The following UMAD1 variants were observed in gnomAD, a reference collection of about 807,000 sequenced individuals.
UMAD1 encodes UBAP1-MVB12-associated (UMA)-domain containing protein 1.
A neutral mutation model predicts 6.1 loss-of-function variants in UMAD1; 8 were observed. The ratio of observed to expected loss-of-function variants is 1.30; its 90% CI spans 0.76 to 2.35. UMAD1 has a LOEUF of 2.35. Among genes scored for constraint, UMAD1 ranks in the 30% most tolerant of loss-of-function variants. The pLI is 0.00. For synonymous variants in UMAD1, 56 were observed against 31.4 expected, an observed-to-expected ratio of 1.78 and a Z score of -2.61; for missense variants, 130 against 78.4, an observed-to-expected ratio of 1.66 and a Z score of -2.49.
At chr7:7,862,449 G>T (rs542162067) in intron 3 of UMAD1, among the ~76,000 whole-genome samples, 1 of 152,214 alleles carries the variant, frequency 6.6e-6, no homozygotes, top group Admixed American at 6.5e-5. Flanking sequence ...ATTACATTCT[G>T]AAGAAGTTGA....
intron 2 of UMAD1, among the ~76,000 whole-genome samples, chr7:7,724,600 C>G (rs1190518095): frequency 6.6e-6 from 1 of 152,204 alleles, no homozygotes; most frequent in African/African-American, 2.4e-5. Flanking sequence ...GTGATTCCCA[C>G]CACATCCCCA....
chr7:7,825,738 A>G (rs1451908621), intron 3 of UMAD1, among the ~76,000 whole-genome samples: 1 of 152,162 alleles, frequency 6.6e-6, no homozygotes, highest in African/African-American at 2.4e-5. Context: ...TACAGTACCA[A>G]GGAAAAAGGT....
chr7:7,714,072 T>C (rs1278926341), intron 2 of UMAD1, among the ~76,000 whole-genome samples: 2 of 152,222 alleles, frequency 1.3e-5, no homozygotes, highest in Non-Finnish European at 2.9e-5. Flanking sequence ...AAAATTGAGT[T>C]TTTTTGTGTG....
Position 7,671,765 on chromosome 7 carries a change from TCTCTCCTTG to T in UMAD1, c.-63-1538_-63-1530del, listed in dbSNP as rs137861086. The stretch of plus-strand genomic sequence containing the variant: ...TTTTCACCAGTTTCATTAGAGGCCA[TCTCTCCTTG>T]CTCTCTATAGAGAGTGCCAAACTGT... On this transcript the variant is annotated intron_variant, in intron 1 of 3. Coordinates refer to ENST00000682710, the MANE Select transcript of UMAD1 (RefSeq NM_001302348.2). Among the ~76,000 whole-genome samples, 490 of 152,254 alleles carry T rather than the reference TCTCTCCTTG, an allele frequency of 3.2e-3. 3 individuals are homozygous for T. Among genetic ancestry groups the T allele is most frequent in the African/African-American group, 0.011 (462 of 41,564 alleles).
At chr7:7,654,318 T>C (rs539232556) in intron 1 of UMAD1, among the ~76,000 whole-genome samples, 190 of 152,306 alleles carry the variant, frequency 1.2e-3, no homozygotes, top group Non-Finnish European at 2.1e-3. Context: ...GTGATGGAAA[T>C]AGGATCTGAC....
At chr7:7,845,008 A>G (rs1783757545) in intron 3 of UMAD1, among the ~76,000 whole-genome samples, 1 of 152,132 alleles carries the variant, frequency 6.6e-6, no homozygotes, top group Non-Finnish European at 1.5e-5. Context: ...TACATAAATT[A>G]TTACATAATA....
At chr7:7,758,906 G>C (rs918340379) in intron 2 of UMAD1, among the ~76,000 whole-genome samples, 1 of 152,074 alleles carries the variant, frequency 6.6e-6, no homozygotes, top group Non-Finnish European at 1.5e-5. Context: ...TACATATCTT[G>C]CTTCACGGAT....
intron 2 of UMAD1, among the ~76,000 whole-genome samples, chr7:7,695,494 G>A (rs1780290395): frequency 6.6e-6 from 1 of 151,972 alleles, no homozygotes; most frequent in South Asian, 2.1e-4. Context: ...TCTCAACCAT[G>A]GTCTTTCCTT....
At chr7:7,669,580 T>C (rs914546215) in intron 1 of UMAD1, among the ~76,000 whole-genome samples, 7 of 152,192 alleles carry the variant, frequency 4.6e-5, no homozygotes, top group Admixed American at 3.9e-4. Context: ...AGACTGACCT[T>C]AGGTACCTAG....
chr7:7,847,057 A>T (rs1335391197), intron 3 of UMAD1, among the ~76,000 whole-genome samples: 1 of 4,042 alleles, frequency 2.5e-4, no homozygotes, highest in African/African-American at 1.3e-3. Flanking sequence ...AGAGTATAAT[A>T]AAAAAAAAAA....
chr7:7,877,016 T>C (rs1278099565), intron 3 of UMAD1, among the ~76,000 whole-genome samples: 1 of 152,216 alleles, frequency 6.6e-6, no homozygotes, highest in African/African-American at 2.4e-5. Context: ...AGACATTATC[T>C]GAGCAAGGGA....
chr7:7,760,066 G>C (rs1210158056), intron 2 of UMAD1, among the ~76,000 whole-genome samples: 1 of 152,106 alleles, frequency 6.6e-6, no homozygotes, highest in East Asian at 1.9e-4. Context: ...TGTGACTTCT[G>C]CTTTGTTTTC....
At chr7:7,663,198 G>T (rs1408682704) in intron 1 of UMAD1, among the ~76,000 whole-genome samples, 1 of 134,918 alleles carries the variant, frequency 7.4e-6, no homozygotes, top group Admixed American at 7.8e-5. Flanking sequence ...AAAAAAGTCT[G>T]GTCTTGACCT....
At chr7:7,793,996 G>A (rs117804787) in intron 2 of UMAD1, among the ~76,000 whole-genome samples, 46 of 152,132 alleles carry the variant, frequency 3.0e-4, no homozygotes, top group Non-Finnish European at 5.9e-4. Flanking sequence ...AGATGCTAAA[G>A]TGCATTAGGA....
At chr7:7,698,855 A>G (rs1388635486) in intron 2 of UMAD1, among the ~76,000 whole-genome samples, 2 of 151,322 alleles carry the variant, frequency 1.3e-5, no homozygotes, top group African/African-American at 4.9e-5. Flanking sequence ...CGTTTCCACC[A>G]ACTCACCCTC....
rs536488977 is a variant in UMAD1, at chr7:7,719,187, A to G, written c.82+45734A>G. On this transcript the variant is annotated intron_variant, in intron 2 of 3. Transcript: ENST00000682710. ...GAATTCAGAAGATCTAGCAGATACA[A>G]TGATGAAATATGATCAGCAAGCTTT... is the stretch of plus-strand genomic sequence containing the variant. Among the ~76,000 whole-genome samples the G allele has an allele frequency of 5.3e-5, 8 of 152,328 alleles. 1 individual carries two copies. The highest frequency in any genetic ancestry group is 1.7e-4 in the African/African-American group (7 of 41,578).
At chr7:7,682,077 C>T (rs1217637456) in intron 2 of UMAD1, among the ~76,000 whole-genome samples, 3 of 152,066 alleles carry the variant, frequency 2.0e-5, no homozygotes, top group Admixed American at 6.6e-5. Context: ...ATTGGGCAAA[C>T]ACTATTGTAG....
At chr7:7,686,690 A>G (rs957526297) in intron 2 of UMAD1, among the ~76,000 whole-genome samples, 1 of 152,176 alleles carries the variant, frequency 6.6e-6, no homozygotes, top group African/African-American at 2.4e-5. Flanking sequence ...AATCTTCTTT[A>G]GCTTCACTGT....
rs551564803 is a variant in UMAD1, at chr7:7,723,514, A to G, written c.82+50061A>G. On this transcript the variant is annotated intron_variant, in intron 2 of 3. Coordinates refer to ENST00000682710, the MANE Select transcript of UMAD1 (RefSeq NM_001302348.2). ...GATCCAAAGGCTTAGGGAGATTGGG[A>G]TGGTGGAGTGGATTAGTCACTTTAG... 8.5e-5 allele frequency among the ~76,000 whole-genome samples: 13 copies of G among 152,240 alleles called. No individual in the cohort carries two copies. The South Asian group carries it at 1.9e-3, about 22-fold the overall frequency.
Sources: gnomAD v4.1 joint callset for allele counts (sites outside exome capture counted in the v4.1 genomes callset) on GRCh38, gnomAD v4.1.1 for gene constraint, MANE v1.5 for transcripts, NCBI Gene and HGNC (gene_info 2026-07-23, HGNC 2026-07-21) for gene names.